Variants in COLEC10 observed in about 807,000 individuals in gnomAD.
The protein encoded by COLEC10 is collectin subfamily member 10, also known as collectin-10.
In COLEC10, 22 loss-of-function variants were observed where a neutral mutation model predicts 28.4. The observed-to-expected ratio is 0.78, with a 90% confidence interval of 0.55 to 1.11. COLEC10 has a LOEUF of 1.11. Ranked by LOEUF, COLEC10 falls within the 50% of genes least tolerant of loss-of-function variation. The pLI, the probability that COLEC10 is intolerant of heterozygous loss-of-function variation, is 0.00. For synonymous variants in COLEC10, 125 were observed against 116.1 expected, an observed-to-expected ratio of 1.08 and a Z score of -0.49; for missense variants, 361 against 344.1, an observed-to-expected ratio of 1.05 and a Z score of -0.39.
At chr8:119,083,694 G>T (rs1815411960) in intron 1 of COLEC10, among the ~76,000 whole-genome samples, 1 of 152,042 alleles carries the variant, frequency 6.6e-6, no homozygotes, top group African/African-American at 2.4e-5. Flanking sequence ...AAGCAGGAAG[G>T]TTAATTATTT....
chr8:119,010,045 A>G lies in COLEC10; in HGVS notation n.235+492A>G, dbSNP rs1041658980. On this transcript the variant is annotated intron_variant and non_coding_transcript_variant, in intron 2 of 6. Coordinates refer to the COLEC10 transcript ENST00000521788. ...TTACCCAAAGTCCGTAGTTTATACC[A>G]TGGTTCATACTGAGCATTGTACATT... Among the ~76,000 whole-genome samples the G allele has an allele frequency of 2.6e-5, 4 of 150,968 alleles. 1 individual carries two copies. Among genetic ancestry groups the G allele is most frequent in the African/African-American group, 9.9e-5 (4 of 40,400 alleles).
intron 5 of COLEC10, among the ~76,000 whole-genome samples, chr8:119,105,087 G>A (rs950163748): frequency 6.6e-6 from 1 of 152,084 alleles, no homozygotes; most frequent in Non-Finnish European, 1.5e-5. Context: ...CCAGGAATTT[G>A]GTCCAATGTG....
chr8:118,988,208 G>T, the COLEC10 span, among the ~76,000 whole-genome samples: 1 of 152,164 alleles, frequency 6.6e-6, no homozygotes, highest in Admixed American at 6.6e-5. Flanking sequence ...TTTCCTAAAA[G>T]TTTGTGGGTT....
At chr8:119,035,675 T>C (rs74628396) in intron 2 of COLEC10, among the ~76,000 whole-genome samples, 4,409 of 152,310 alleles carry the variant, frequency 0.029, 121 homozygotes, top group East Asian at 0.16. Context: ...GTGGCCTTCC[T>C]TTAAACTCTG....
intron 1 of COLEC10, among the ~76,000 whole-genome samples, chr8:119,081,980 G>A (rs1008958040): frequency 5.3e-5 from 8 of 152,094 alleles, no homozygotes; most frequent in African/African-American, 9.7e-5. Flanking sequence ...AATGAAAATC[G>A]TTAGGAATCA....
intron 2 of COLEC10, among the ~76,000 whole-genome samples, chr8:119,017,371 TG>T (rs1402868676): frequency 6.6e-6 from 1 of 152,162 alleles, no homozygotes; most frequent in East Asian, 1.9e-4. Context: ...AGCAGGTAAT[TG>T]TTTTCAAGAC....
intron 2 of COLEC10, among the ~76,000 whole-genome samples, chr8:119,046,621 T>C (rs1814591933): frequency 6.6e-6 from 1 of 152,188 alleles, no homozygotes; most frequent in Non-Finnish European, 1.5e-5. Context: ...AAAGAAACTA[T>C]AGAAAGTTCA....
chr8:119,026,231 T>C (rs1814188201), intron 2 of COLEC10, among the ~76,000 whole-genome samples: 1 of 152,140 alleles, frequency 6.6e-6, no homozygotes, highest in South Asian at 2.1e-4. Flanking sequence ...AGTTCTTTGA[T>C]TTTGGGAAGC....
chr8:119,077,721 T>A (rs997402451), intron 1 of COLEC10, among the ~76,000 whole-genome samples: 1 of 152,186 alleles, frequency 6.6e-6, no homozygotes, highest in Non-Finnish European at 1.5e-5. Flanking sequence ...CCCTTTTCAG[T>A]GGATAGGATT....
At chr8:119,056,853 T>G (rs186679420) in intron 2 of COLEC10, among the ~76,000 whole-genome samples, 163 of 152,192 alleles carry the variant, frequency 1.1e-3, no homozygotes, top group African/African-American at 3.7e-3. Flanking sequence ...CTTCAGGATC[T>G]AGTCCTTAAC....
intron 1 of COLEC10, chr8:119,068,311 T>G (rs769613478): frequency 9.2e-5 from 14 of 152,216 alleles, no homozygotes; most frequent in Non-Finnish European, 1.2e-4. Flanking sequence ...TTGCTTAAAG[T>G]GCATTTTTCT....
At chr8:118,995,048 A>G (rs1248249110), upstream of COLEC10, among the ~76,000 whole-genome samples, 5 of 152,206 alleles carry the variant, frequency 3.3e-5, no homozygotes, top group Non-Finnish European at 7.3e-5. Context: ...TTAAGCTACA[A>G]GTCTTATCTA....
intron 2 of COLEC10, among the ~76,000 whole-genome samples, chr8:119,035,586 CT>C (rs1305279126): frequency 6.6e-6 from 1 of 152,126 alleles, no homozygotes; most frequent in Non-Finnish European, 1.5e-5. Context: ...CAATTTTCTT[CT>C]TTGGTTCATC....
upstream of COLEC10, among the ~76,000 whole-genome samples, chr8:119,064,049 A>G (rs1814907254): frequency 6.6e-6 from 1 of 152,152 alleles, no homozygotes; most frequent in South Asian, 2.1e-4. Flanking sequence ...CAGTGACTTC[A>G]TTTTCTGAAT....
Position 119,080,929 on chromosome 8 carries a change from T to A in COLEC10, c.149-8751T>A, listed in dbSNP as rs1217712612. On this transcript the variant is annotated intron_variant, in intron 1 of 5. Transcript: ENST00000332843. ...CCAAGAGCTTTTGCTAACTCCTTAT[T>A]TTTAGTATCAGTATAATATTGTATT... Among the ~76,000 whole-genome samples the A allele has an allele frequency of 2.0e-5, 3 of 152,144 alleles. No homozygotes were observed. In the East Asian group the frequency reaches 5.8e-4, roughly 29 times the overall value.
the COLEC10 span, among the ~76,000 whole-genome samples, chr8:118,976,292 A>G: frequency 3.9e-5 from 6 of 152,070 alleles, no homozygotes; most frequent in Non-Finnish European, 8.8e-5. Flanking sequence ...AAAATACATA[A>G]AAAGTAACTC....
the COLEC10 span, among the ~76,000 whole-genome samples, chr8:118,979,079 C>G: frequency 1.4e-4 from 21 of 152,088 alleles, no homozygotes; most frequent in Admixed American, 4.6e-4. Context: ...ATATAAAATA[C>G]TCAAATTTTC....
intron 1 of COLEC10, among the ~76,000 whole-genome samples, chr8:119,089,373 C>T (rs1815543753): frequency 6.6e-6 from 1 of 152,078 alleles, no homozygotes; most frequent in Non-Finnish European, 1.5e-5. Flanking sequence ...TGTTTATTGT[C>T]CATCCAGAAT....
chr8:119,063,707 T>A (rs749848255), upstream of COLEC10, among the ~76,000 whole-genome samples: 11 of 150,002 alleles, frequency 7.3e-5, no homozygotes, highest in African/African-American at 2.2e-4. Context: ...ATATATATAT[T>A]TTTTAAGGCC....
Sources: allele counts gnomAD v4.1 joint callset (sites outside exome capture counted in the v4.1 genomes callset), GRCh38; gene constraint gnomAD v4.1.1; transcripts MANE v1.5; gene names NCBI Gene and HGNC (gene_info 2026-07-23, HGNC 2026-07-21).